Variants in PARP6 observed in about 807,000 individuals in gnomAD.
PARP6 encodes the protein protein mono-ADP-ribosyltransferase PARP6.
In PARP6, 27 loss-of-function variants were observed where a neutral mutation model predicts 92.0. The observed-to-expected ratio is 0.29, with a 90% CI of 0.22 to 0.40. The LOEUF (loss-of-function observed/expected upper bound fraction) is 0.40, where lower values mean the gene tolerates loss of function less well. PARP6 is among the 10% of genes least tolerant of loss of function. The pLI, the probability that PARP6 is intolerant of heterozygous loss-of-function variation, is 1.00. For missense variants in PARP6, 501 were observed against 784.5 expected (o/e 0.64, Z 4.32); for synonymous variants, 272 against 281.2 (o/e 0.97, Z 0.33).
intron 9 of PARP6, 63 bp from the exon 10 acceptor site, chr15:72,260,751 C>T: frequency 7.5e-7 from 1 of 1,325,082 alleles, no homozygotes; most frequent in South Asian, 1.2e-5. Flanking sequence ...CTGGAGGGGA[C>T]TGGAGATAAG....
chr15:72,244,393 C>T (rs1333065641), intron 20 of PARP6: 1 of 152,216 alleles, frequency 6.6e-6, no homozygotes, highest in Non-Finnish European at 1.5e-5. Context: ...ATCATGGTGG[C>T]TAGAATAATC....
Position 72,257,443 on chromosome 15 carries a change from G to A in PARP6, c.907-3C>T, listed in dbSNP as rs1300441996. 6.2e-7 allele frequency: 1 copy of A among 1,612,158 alleles called. No homozygotes were observed. Among genetic ancestry groups the A allele is most frequent in the Admixed American group, 1.7e-5 (1 of 60,000 alleles). ...AGTTCACGAGTACAGACAGCTGGCT[G>A]AAAGGATATATTAAACAGATGGTGG... On this transcript the variant is annotated splice_polypyrimidine_tract_variant and splice_region_variant and intron_variant, in intron 12 of 23. Coordinates refer to ENST00000569795, the MANE Select transcript of PARP6 (RefSeq NM_001323532.2).
intron 13 of PARP6, among the ~76,000 whole-genome samples, chr15:72,256,914 G>A (rs1363933290): frequency 1.3e-5 from 2 of 152,130 alleles, no homozygotes; most frequent in East Asian, 3.9e-4. Flanking sequence ...GGCTCACTCT[G>A]TTACCCAGGC....
chr15:72,241,420 G>T lies in PARP6; in HGVS notation c.*35C>A. On this transcript the variant is annotated 3_prime_UTR_variant, in exon 24 of 24. Transcript: ENST00000569795. This position sits in a 1 kb window ranked among gnomAD's most constrained non-coding sequence, Gnocchi z 4.1. ...ACTTTTATGAGGGCAGATGGATCCT[G>T]GGGTAACAGGGGTGGTACGAGGGCT... 7.0e-7 allele frequency: 1 copy of T among 1,421,348 alleles called. No homozygotes were observed. The highest frequency in any genetic ancestry group is 1.0e-6 in the Non-Finnish European group (1 of 1,004,584). 88.0% of individuals were successfully genotyped at this position (1,421,348 alleles called of 1,614,324 possible).
At chr15:72,246,098 G>A (rs2083568657) in intron 20 of PARP6, among the ~76,000 whole-genome samples, 1 of 152,226 alleles carries the variant, frequency 6.6e-6, no homozygotes, top group African/African-American at 2.4e-5. Context: ...ATATGTGTTG[G>A]TCACTTGCCC....
Position 72,261,714 on chromosome 15 carries a change from G to T in PARP6, c.396-7C>A, listed in dbSNP as rs753748967. On this transcript the variant is annotated splice_region_variant and splice_polypyrimidine_tract_variant and intron_variant, in intron 8 of 23. Transcript: ENST00000569795. Reference sequence around the variant, plus strand: ...TGTAAACATACCCAGGATCCTGAGGGATCAAAAAGAATGAGCTTAGGCAAG... The same window carrying T: ...TGTAAACATACCCAGGATCCTGAGGTATCAAAAAGAATGAGCTTAGGCAAG... 6 of 1,613,290 alleles carry T rather than the reference G, an allele frequency of 3.7e-6. 1 individual carries two copies. The highest frequency in any genetic ancestry group is 3.3e-4 in the Middle Eastern group (2 of 6,056).
chr15:72,246,796 C>G (rs1011904188), intron 20 of PARP6, among the ~76,000 whole-genome samples: 2 of 151,820 alleles, frequency 1.3e-5, no homozygotes, highest in African/African-American at 2.4e-5. Flanking sequence ...GCTCTGTTAC[C>G]CAGGCTGGAG....
At chr15:72,268,646 C>T (rs1029616564) in intron 2 of PARP6, among the ~76,000 whole-genome samples, 7 of 152,228 alleles carry the variant, frequency 4.6e-5, no homozygotes, top group Middle Eastern at 3.4e-3. Context: ...TGCAGTGAGC[C>T]TAGATCACGC....
chr15:72,267,030 G>C (rs1032843820), intron 3 of PARP6: 2 of 548,888 alleles, frequency 3.6e-6, no homozygotes, highest in East Asian at 6.1e-5. Flanking sequence ...CTAGCTCTTA[G>C]TGGGACAGAG....
intron 1 of PARP6, among the ~76,000 whole-genome samples, chr15:72,271,698 T>C (rs2087458420): frequency 6.6e-6 from 1 of 152,170 alleles, no homozygotes; most frequent in Admixed American, 6.5e-5. Context: ...AATTGAGTTG[T>C]TAATGAAGTA....
intron 13 of PARP6, 113 bp from the exon 14 acceptor site, chr15:72,256,703 G>T: frequency 1.1e-6 from 1 of 874,332 alleles, no homozygotes; most frequent in Non-Finnish European, 1.6e-6. Context: ...TATGTTTAAG[G>T]CTTTCAAAAT....
intron 13 of PARP6, 142 bp downstream of exon 13, chr15:72,257,206 C>A: frequency 1.6e-6 from 1 of 618,392 alleles, no homozygotes; most frequent in East Asian, 2.8e-5. Flanking sequence ...GGGTTGTATC[C>A]ATTTTTTATT....
intron 20 of PARP6, among the ~76,000 whole-genome samples, chr15:72,246,878 CTGAG>C (rs1408190376): frequency 1.3e-5 from 2 of 152,060 alleles, no homozygotes; most frequent in Non-Finnish European, 2.9e-5. Context: ...CCTCAGCCTC[CTGAG>C]TATCTAGGAT....
In PARP6 at chr15:72,241,244, G is replaced by C. The variant is rs1395139828; in HGVS notation, c.*211C>G. 3.0e-6 allele frequency: 2 copies of C among 677,406 alleles called. No homozygotes were observed. The highest frequency in any genetic ancestry group is 5.4e-6 in the Non-Finnish European group (2 of 368,564). The allele number at this position is 677,406 out of a possible 1,614,324, so 42.0% of individuals were successfully genotyped here. A position where few individuals can be genotyped will look rare whatever the true frequency, so the allele number is the denominator to read the frequency against. On this transcript the variant is annotated 3_prime_UTR_variant, in exon 24 of 24. Transcript: ENST00000569795. The surrounding 1 kb of genome is among the most constrained non-coding windows in gnomAD (Gnocchi z 4.1). ...CAAACAGGGTGAAGTCAAAGGGAAA[G>C]TCAGGGGATGGAGTCAGTCTGGGCC...
rs1343181299 is a variant in PARP6, at chr15:72,257,929, T to C, written c.906+108A>G. Reference sequence around the variant, plus strand: ...ATCAACAATTTCTAGAGTATCAGGGTGTACAGACAGAATTTTACCTTGACC... The same window carrying C: ...ATCAACAATTTCTAGAGTATCAGGGCGTACAGACAGAATTTTACCTTGACC... On this transcript the variant is annotated intron_variant, in intron 12 of 23. Transcript: ENST00000569795. The C allele has an allele frequency of 2.2e-5, 17 of 786,412 alleles. No homozygotes were observed. In the East Asian group the frequency reaches 4.2e-4, roughly 20 times the overall value. The allele number at this position is 786,412 out of a possible 1,614,324, so 48.7% of individuals were successfully genotyped here.
At chr15:72,245,691 T>C (rs1278619439) in intron 20 of PARP6, 1 of 152,254 alleles carries the variant, frequency 6.6e-6, no homozygotes, top group African/African-American at 2.4e-5. Context: ...TTTGTATCTA[T>C]AATCAATTAC....
In PARP6 at chr15:72,267,575, C is replaced by A; in HGVS notation, c.-98G>T. The stretch of plus-strand genomic sequence containing the variant: ...GCCAACGAGATGGGCATTTAGGAGA[C>A]CACAAAGGGAGACAAGGTAGGGCAC... On this transcript the variant is annotated 5_prime_UTR_variant, in exon 3 of 24. Coordinates refer to ENST00000569795, the MANE Select transcript of PARP6 (RefSeq NM_001323532.2). 3.0e-6 allele frequency: 4 copies of A among 1,313,284 alleles called. No individual in the cohort carries two copies. Among genetic ancestry groups the A allele is most frequent in the East Asian group, 2.3e-5 (1 of 43,454 alleles). 81.4% of individuals were successfully genotyped at this position (1,313,284 alleles called of 1,614,324 possible).
intron 20 of PARP6, among the ~76,000 whole-genome samples, chr15:72,248,897 T>G (rs569071329): frequency 6.6e-6 from 1 of 152,230 alleles, no homozygotes; most frequent in Non-Finnish European, 1.5e-5. Context: ...TGTTTTCACA[T>G]GTAAACTTAC....
intron 9 of PARP6, 92 bp downstream of exon 9, chr15:72,261,466 G>A: frequency 8.8e-7 from 1 of 1,137,960 alleles, no homozygotes; most frequent in Non-Finnish European, 1.3e-6. Context: ...ATTCAGGGAA[G>A]AGAGGGGATA....
Sources: allele counts gnomAD v4.1 joint callset (sites outside exome capture counted in the v4.1 genomes callset), GRCh38; gene constraint gnomAD v4.1.1; non-coding constraint Gnocchi (gnomAD v3.1); transcripts MANE v1.5; gene names NCBI Gene and HGNC (gene_info 2026-07-23, HGNC 2026-07-21).